The following SMIM15 variants were observed in gnomAD, a reference collection of about 807,000 sequenced individuals.
The protein encoded by SMIM15 is small integral membrane protein 15, also known as UPF0542 protein C5orf43.
A neutral mutation model predicts 6.8 loss-of-function variants in SMIM15; 5 were observed. The observed-to-expected ratio is 0.74, with a 90% CI of 0.39 to 1.56. The LOEUF is 1.56. Among genes scored for constraint, SMIM15 ranks in the 40% most tolerant of loss-of-function variants. The pLI, the probability that SMIM15 is intolerant of heterozygous loss-of-function variation, is 0.03. For synonymous variants in SMIM15, 30 were observed against 30.8 expected (o/e 0.97, Z 0.09); for missense variants, 81 against 84.8 (o/e 0.96, Z 0.18).
intron 2 of SMIM15, 61 bp from the exon 3 acceptor site, chr5:61,160,260 T>G: frequency 1.4e-5 from 18 of 1,307,442 alleles, no homozygotes; most frequent in Non-Finnish European, 1.8e-5. Context: ...ATGTGGTTAA[T>G]CAAATTTTGA....
At chr5:61,160,728 A>C (rs570013204) in intron 2 of SMIM15, among the ~76,000 whole-genome samples, 1 of 152,364 alleles carries the variant, frequency 6.6e-6, no homozygotes, top group African/African-American at 2.4e-5. Context: ...AATGGGAAGG[A>C]GAGGGTAAGG....
Position 61,157,738 on chromosome 5 carries a change from T to G in SMIM15, c.*2209A>C, listed in dbSNP as rs1466037281. On this transcript the variant is annotated 3_prime_UTR_variant, in exon 3 of 3. Transcript: ENST00000339020. Reference sequence around the variant, plus strand: ...GACATACAAACTTTTATTTATTTGCTGATTTTTGATAAAATGTTTGTTAGA... The same window carrying G: ...GACATACAAACTTTTATTTATTTGCGGATTTTTGATAAAATGTTTGTTAGA... 1 of 152,234 alleles carries G rather than the reference T, an allele frequency of 6.6e-6. No individual in the cohort carries two copies. The highest frequency in any genetic ancestry group is 1.5e-5 in the Non-Finnish European group (1 of 68,040). 9.4% of individuals were successfully genotyped at this position (152,234 alleles called of 1,614,324 possible).
chr5:61,158,443 A>T lies in SMIM15; in HGVS notation c.*1504T>A, dbSNP rs966698232. ...AAAGAATAGCATTAAGTGTTATTCAAACTGGTCCATAAACATTCTCAGTGG... is the reference window on the plus strand; with the variant it reads ...AAAGAATAGCATTAAGTGTTATTCATACTGGTCCATAAACATTCTCAGTGG... On this transcript the variant is annotated 3_prime_UTR_variant, in exon 3 of 3. Coordinates refer to ENST00000339020, the MANE Select transcript of SMIM15 (RefSeq NM_001048249.4). 2.0e-5 allele frequency: 3 copies of T among 152,172 alleles called. No homozygotes were observed. Among genetic ancestry groups the T allele is most frequent in the Non-Finnish European group, 4.4e-5 (3 of 68,010 alleles). The allele number at this position is 152,172 out of a possible 1,614,324, so 9.4% of individuals were successfully genotyped here.
At chr5:61,160,644 ATT>A (rs1741397418) in intron 2 of SMIM15, among the ~76,000 whole-genome samples, 1 of 152,212 alleles carries the variant, frequency 6.6e-6, no homozygotes, top group Non-Finnish European at 1.5e-5. Context: ...AAATCAGCAA[ATT>A]TGGTGTTTGA....
At chr5:61,161,791 A>G (rs1481056924) in intron 1 of SMIM15, among the ~76,000 whole-genome samples, 3 of 152,206 alleles carry the variant, frequency 2.0e-5, no homozygotes, top group African/African-American at 7.2e-5. Context: ...CACGATTTTC[A>G]ACTGAACACA....
chr5:61,160,162 T>A lies in SMIM15; in HGVS notation c.10A>T (p.Ile4Leu). Residue 4 changes from isoleucine to leucine, a missense_variant, in exon 3 of 3, where the codon ATA becomes TTA. By Grantham distance (5) the Ile-to-Leu change is conservative. Transcript: ENST00000339020. ...ACAACATACTCAGCCCAAGCCTTTA[T>A]ATCAAACATCTTCACAGCAGTCTTA... is the stretch of plus-strand genomic sequence containing the variant. Reference protein sequence around the residue: MFDIKAWAEYVVEW... With the variant: MFDLKAWAEYVVEW... 6.2e-7 allele frequency: 1 copy of A among 1,613,574 alleles called. No individual in the cohort carries two copies. The highest frequency in any genetic ancestry group is 8.5e-7 in the Non-Finnish European group (1 of 1,179,826).
rs1378061787 is a variant in SMIM15 at position 61,159,863 on chromosome 5, CA to C, written c.*83del. The stretch of plus-strand genomic sequence containing the variant: ...TACTAAATCATACTGTCAAGAAATC[CA>C]AAGAAGAAACTTTAGTGGATTCTTC... On this transcript the variant is annotated 3_prime_UTR_variant, in exon 3 of 3. Transcript: ENST00000339020. The C allele has an allele frequency of 4.1e-6, 6 of 1,457,040 alleles. No homozygotes were observed. The highest frequency in any genetic ancestry group is 5.6e-6 in the Non-Finnish European group (6 of 1,069,718). The allele number at this position is 1,457,040 out of a possible 1,614,324, so 90.3% of individuals were successfully genotyped here.
Position 61,157,891 on chromosome 5 carries a change from T to C in SMIM15, c.*2056A>G, listed in dbSNP as rs1741349393. On this transcript the variant is annotated 3_prime_UTR_variant, in exon 3 of 3. Coordinates refer to ENST00000339020, the MANE Select transcript of SMIM15 (RefSeq NM_001048249.4). Reference sequence around the variant, plus strand: ...AATTTCTTAAAAGTATTCTAGATAATAGCAAATGGGATTCTTTAACAACAG... The same window carrying C: ...AATTTCTTAAAAGTATTCTAGATAACAGCAAATGGGATTCTTTAACAACAG... 6.6e-6 allele frequency: 1 copy of C among 151,806 alleles called. No individual in the cohort carries two copies. 9.4% of individuals were successfully genotyped at this position (151,806 alleles called of 1,614,324 possible).
rs1482935506 is a variant in SMIM15 at position 61,158,955 on chromosome 5, C to T, written c.*992G>A. ...TTTCTTTACCACTTATGAAGTATGGCGTAACTGTTACACTTTAAGAGTTCT... is the reference window on the plus strand; with the variant it reads ...TTTCTTTACCACTTATGAAGTATGGTGTAACTGTTACACTTTAAGAGTTCT... On this transcript the variant is annotated 3_prime_UTR_variant, in exon 3 of 3. Transcript: ENST00000339020. 6.6e-6 allele frequency: 1 copy of T among 152,056 alleles called. No individual in the cohort carries two copies. Among genetic ancestry groups the T allele is most frequent in the Non-Finnish European group, 1.5e-5 (1 of 67,998 alleles). 9.4% of individuals were successfully genotyped at this position (152,056 alleles called of 1,614,324 possible). A position where few individuals can be genotyped will look rare whatever the true frequency, so the allele number is the denominator to read the frequency against.
At position 61,159,651 on chromosome 5, in the gene SMIM15, T is replaced by C; in HGVS notation, c.*296A>G. 1 of 329,404 alleles carries C rather than the reference T, an allele frequency of 3.0e-6. No homozygotes were observed. Among genetic ancestry groups the C allele is most frequent in the Non-Finnish European group, 5.6e-6 (1 of 178,430 alleles). The allele number at this position is 329,404 out of a possible 1,614,324, so 20.4% of individuals were successfully genotyped here. A position where few individuals can be genotyped will look rare whatever the true frequency, so the allele number is the denominator to read the frequency against. ...AAGTCACTTTTCCCCACAAGATGTT[T>C]TCATTTCAGTATATAAACTGCTAAG... On this transcript the variant is annotated 3_prime_UTR_variant, in exon 3 of 3. Coordinates refer to ENST00000339020, the MANE Select transcript of SMIM15 (RefSeq NM_001048249.4).
Position 61,157,988 on chromosome 5 carries a change from C to T in SMIM15, c.*1959G>A, listed in dbSNP as rs1434588723. ...CACAATATTCTCTATACTCCAGCCC[C>T]TTACACACACACACACACACACACA... is the stretch of plus-strand genomic sequence containing the variant. On this transcript the variant is annotated 3_prime_UTR_variant, in exon 3 of 3. Transcript: ENST00000339020. The T allele has an allele frequency of 7.4e-6, 1 of 134,630 alleles. No homozygotes were observed. Among genetic ancestry groups the T allele is most frequent in the East Asian group, 2.3e-4 (1 of 4,322 alleles). 8.3% of individuals were successfully genotyped at this position (134,630 alleles called of 1,614,324 possible).
rs149641577 is a variant in SMIM15, at chr5:61,162,010, A to C, written c.-169+207T>G. On this transcript the variant is annotated intron_variant, in intron 1 of 2. Transcript: ENST00000339020. The surrounding 1 kb of genome is among the most constrained non-coding windows in gnomAD (Gnocchi z 4.4). ...AGGCCACACATCTCCCTGCAACTCA[A>C]CTTCGGACCCAAACGCTCGCGCCTC... is the stretch of plus-strand genomic sequence containing the variant. 6.6e-6 allele frequency: 1 copy of C among 152,318 alleles called. No homozygotes were observed. Among genetic ancestry groups the C allele is most frequent in the African/African-American group, 2.4e-5 (1 of 41,444 alleles). The allele number at this position is 152,318 out of a possible 1,614,324, so 9.4% of individuals were successfully genotyped here.
chr5:61,159,902 A>G lies in SMIM15; in HGVS notation c.*45T>C, dbSNP rs745388126. The G allele has an allele frequency of 1.3e-6, 2 of 1,599,928 alleles. No homozygotes were observed. The highest frequency in any genetic ancestry group is 4.5e-5 in the East Asian group (2 of 44,846). On this transcript the variant is annotated 3_prime_UTR_variant, in exon 3 of 3. Transcript: ENST00000339020. ...TAGTGGATTCTTCCAAAGCTGTGTA[A>G]TTTTCCAAATGATTTTCCTCTGGTT...
rs1381320647 is a variant in SMIM15 at position 61,158,524 on chromosome 5, C to A, written c.*1423G>T. ...ATTTTACAAGTATGCTTAGCTGTAA[C>A]TGAAATTCTAACTTGCATAACATAA... is the stretch of plus-strand genomic sequence containing the variant. On this transcript the variant is annotated 3_prime_UTR_variant, in exon 3 of 3. Transcript: ENST00000339020. 1 of 149,460 alleles carries A rather than the reference C, an allele frequency of 6.7e-6. No homozygotes were observed. The highest frequency in any genetic ancestry group is 1.5e-5 in the Non-Finnish European group (1 of 67,758). The allele number at this position is 149,460 out of a possible 1,614,324, so 9.3% of individuals were successfully genotyped here.
Position 61,162,315 on chromosome 5 carries a change from G to A in SMIM15, c.-267C>T, listed in dbSNP as rs1287967733. ...TCGCGCAGAGCGGAGGGTCCTGGGA[G>A]ATCCTGGGTTGGCCCAGCCACACCT... On this transcript the variant is annotated 5_prime_UTR_variant, in exon 1 of 3. Coordinates refer to ENST00000339020, the MANE Select transcript of SMIM15 (RefSeq NM_001048249.4). The surrounding 1 kb of genome is among the most constrained non-coding windows in gnomAD (Gnocchi z 4.4). 1 of 152,532 alleles carries A rather than the reference G, an allele frequency of 6.6e-6. No homozygotes were observed. Among genetic ancestry groups the A allele is most frequent in the African/African-American group, 2.4e-5 (1 of 41,476 alleles). The allele number at this position is 152,532 out of a possible 1,614,324, so 9.4% of individuals were successfully genotyped here. A position where few individuals can be genotyped will look rare whatever the true frequency, so the allele number is the denominator to read the frequency against.
At chr5:61,161,629 A>G (rs1444123532) in intron 1 of SMIM15, among the ~76,000 whole-genome samples, 1 of 152,182 alleles carries the variant, frequency 6.6e-6, no homozygotes, top group Non-Finnish European at 1.5e-5. Flanking sequence ...CAAACAGCTC[A>G]TCTTACTCTT....
chr5:61,161,802 C>A (rs1040659524), intron 1 of SMIM15, among the ~76,000 whole-genome samples: 12 of 152,196 alleles, frequency 7.9e-5, no homozygotes, highest in African/African-American at 2.9e-4. Context: ...ACTGAACACA[C>A]ATGAAAGTGC....
Position 61,159,811 on chromosome 5 carries a change from G to T in SMIM15, c.*136C>A. The T allele has an allele frequency of 2.0e-6, 2 of 987,004 alleles. No homozygotes were observed. The highest frequency in any genetic ancestry group is 3.0e-6 in the Non-Finnish European group (2 of 677,794). The allele number at this position is 987,004 out of a possible 1,614,324, so 61.1% of individuals were successfully genotyped here. A position where few individuals can be genotyped will look rare whatever the true frequency, so the allele number is the denominator to read the frequency against. On this transcript the variant is annotated 3_prime_UTR_variant, in exon 3 of 3. Coordinates refer to ENST00000339020, the MANE Select transcript of SMIM15 (RefSeq NM_001048249.4). Reference sequence around the variant, plus strand: ...ATAGTATTGAGGTCAGAACTAACATGATTCTTCCATTTGGTCAAATTTCAT... The same window carrying T: ...ATAGTATTGAGGTCAGAACTAACATTATTCTTCCATTTGGTCAAATTTCAT...
rs796071432 is a variant in SMIM15 at position 61,157,984 on chromosome 5, G to GC, written c.*1962dup. On this transcript the variant is annotated 3_prime_UTR_variant, in exon 3 of 3. Coordinates refer to ENST00000339020, the MANE Select transcript of SMIM15 (RefSeq NM_001048249.4). Reference sequence around the variant, plus strand: ...ACCTCACAATATTCTCTATACTCCAGCCCCTTACACACACACACACACACA... The same window carrying GC: ...ACCTCACAATATTCTCTATACTCCAGCCCCCTTACACACACACACACACACA... 1.3e-3 allele frequency: 73 copies of GC among 56,612 alleles called. No individual in the cohort carries two copies. Among genetic ancestry groups the GC allele is most frequent in the African/African-American group, 4.3e-3 (71 of 16,418 alleles). 3.5% of individuals were successfully genotyped at this position (56,612 alleles called of 1,614,324 possible).
Sources: allele counts gnomAD v4.1 joint callset (sites outside exome capture counted in the v4.1 genomes callset), GRCh38; gene constraint gnomAD v4.1.1; non-coding constraint Gnocchi (gnomAD v3.1); transcripts MANE v1.5; gene names NCBI Gene and HGNC (gene_info 2026-07-23, HGNC 2026-07-21).